Variants in PCDHA4 observed in about 807,000 individuals in gnomAD.
PCDHA4 encodes the protein protocadherin alpha 4.
A neutral mutation model predicts 61.4 loss-of-function variants in PCDHA4; 49 were observed. The observed-to-expected ratio is 0.80, with a 90% CI of 0.63 to 1.01. The LOEUF (loss-of-function observed/expected upper bound fraction) is 1.01, where lower values mean the gene tolerates loss of function less well. PCDHA4 is among the 50% of genes least tolerant of loss of function. PCDHA4 has a pLI of 0.00. For synonymous variants in PCDHA4, 590 were observed against 550.3 expected, an observed-to-expected ratio of 1.07 and a Z score of -1.01; for missense variants, 1,254 against 1,235.8, an observed-to-expected ratio of 1.01 and a Z score of -0.22.
intron 1 of PCDHA4, among the ~76,000 whole-genome samples, chr5:140,906,473 A>G (rs2072671241): frequency 6.6e-6 from 1 of 152,214 alleles, no homozygotes. Flanking sequence ...TCTTAGTACA[A>G]ATGTATAAAT....
chr5:140,953,045 C>A (rs1414124229), intron 1 of PCDHA4, among the ~76,000 whole-genome samples: 2 of 152,288 alleles, frequency 1.3e-5, no homozygotes, highest in Admixed American at 6.5e-5. Flanking sequence ...CCCCATGATC[C>A]AATCACCTCT....
chr5:140,963,233 G>C (rs151988), intron 1 of PCDHA4, among the ~76,000 whole-genome samples: 50,230 of 151,972 alleles, frequency 0.33, 8,535 homozygotes, highest in East Asian at 0.53. Context: ...GACACTGTTT[G>C]ATGGATTAGG....
At chr5:140,992,208 A>G (rs2097499240) in intron 3 of PCDHA4, among the ~76,000 whole-genome samples, 1 of 152,150 alleles carries the variant, frequency 6.6e-6, no homozygotes, top group African/African-American at 2.4e-5. Context: ...AATCAGATAA[A>G]CTACTCTCCC....
Position 140,883,553 on chromosome 5 carries a change from G to A in PCDHA4, c.2385+73981G>A, listed in dbSNP as rs782158028. The A allele has an allele frequency of 4.3e-6, 7 of 1,614,122 alleles. No individual in the cohort carries two copies. In the South Asian group the frequency reaches 7.7e-5, roughly 18 times the overall value. On this transcript the variant is annotated intron_variant, in intron 1 of 3. Transcript: ENST00000530339. The stretch of plus-strand genomic sequence containing the variant: ...CTATGAACTGGTGGTGACCGCGCGG[G>A]ACGGGGGCTCGCCTTCGCTGTGGGC...
chr5:140,823,361 T>C lies in PCDHA4; in HGVS notation c.2385+13789T>C, dbSNP rs2150125012. The C allele has an allele frequency of 2.5e-6, 4 of 1,612,648 alleles. No homozygotes were observed. The South Asian group carries it at 3.3e-5, about 13-fold the overall frequency. On this transcript the variant is annotated intron_variant, in intron 1 of 3. Coordinates refer to ENST00000530339, the MANE Select transcript of PCDHA4 (RefSeq NM_018907.4). ...CCGCTGGACCACGAGGAAGTGGAGC[T>C]GCTGCAGTTCCAGGTGAGCGCGCGC...
At chr5:140,829,599 C>G in intron 1 of PCDHA4, 8 of 1,612,030 alleles carry the variant, frequency 5.0e-6, no homozygotes, top group Non-Finnish European at 6.8e-6. Flanking sequence ...GGCGAGCGCG[C>G]GTTGTCGAGC....
chr5:140,877,569 C>T (rs782129855), intron 1 of PCDHA4: 1 of 1,613,806 alleles, frequency 6.2e-7, no homozygotes, highest in Admixed American at 1.7e-5. Flanking sequence ...TTAACGTGTA[C>T]CTCATCATCG....
chr5:140,883,946 G>T (rs139225969), intron 1 of PCDHA4: 2 of 1,613,274 alleles, frequency 1.2e-6, no homozygotes, highest in Non-Finnish European at 1.7e-6. Flanking sequence ...GGACGAGAAC[G>T]ACAACGCTCC....
intron 3 of PCDHA4, among the ~76,000 whole-genome samples, chr5:141,008,415 C>T (rs782593921): frequency 2.0e-5 from 3 of 152,138 alleles, no homozygotes; most frequent in Non-Finnish European, 4.4e-5. Flanking sequence ...ATGTCATGGC[C>T]ACTGGGATCA....
At chr5:140,830,038 G>A (rs2150180087) in intron 1 of PCDHA4, 1 of 1,613,882 alleles carries the variant, frequency 6.2e-7, no homozygotes, top group Admixed American at 1.7e-5. Flanking sequence ...GGCTGCTGGT[G>A]CTGGTGAAAG....
rs1342551274 is a variant in PCDHA4, at chr5:140,871,604, T to C, written c.2385+62032T>C. 4 of 1,443,096 alleles carry C rather than the reference T, an allele frequency of 2.8e-6. No homozygotes were observed. In the African/African-American group the frequency reaches 4.3e-5, roughly 16 times the overall value. The allele number at this position is 1,443,096 out of a possible 1,614,324, so 89.4% of individuals were successfully genotyped here. A position where few individuals can be genotyped will look rare whatever the true frequency, so the allele number is the denominator to read the frequency against. On this transcript the variant is annotated intron_variant, in intron 1 of 3. Coordinates refer to ENST00000530339, the MANE Select transcript of PCDHA4 (RefSeq NM_018907.4). The stretch of plus-strand genomic sequence containing the variant: ...AAAGTTTTATGAATAACCAGTGTTT[T>C]GAATATTGTTTTAGATAACAATGTC...
intron 1 of PCDHA4, among the ~76,000 whole-genome samples, chr5:140,977,637 T>C (rs1440093548): frequency 6.6e-6 from 1 of 152,228 alleles, no homozygotes; most frequent in Non-Finnish European, 1.5e-5. Flanking sequence ...TAACTTTTTC[T>C]GGGCCTTGAC....
At chr5:140,850,475 G>T (rs2150485791) in intron 1 of PCDHA4, 2 of 1,597,894 alleles carry the variant, frequency 1.3e-6, no homozygotes, top group African/African-American at 2.7e-5. Flanking sequence ...CAGCGCTGAC[G>T]GCCACGGCCA....
intron 1 of PCDHA4, among the ~76,000 whole-genome samples, chr5:140,918,298 A>G (rs2078622610): frequency 6.6e-6 from 1 of 152,150 alleles, no homozygotes; most frequent in Non-Finnish European, 1.5e-5. Context: ...GGCAGAGAAT[A>G]TAGGGTTTTC....
intron 1 of PCDHA4, chr5:140,877,849 TA>T: frequency 6.5e-7 from 1 of 1,545,946 alleles, no homozygotes; most frequent in Non-Finnish European, 8.7e-7. Context: ...AGTAAGTTAT[TA>T]ATATTATTTA....
intron 1 of PCDHA4, among the ~76,000 whole-genome samples, chr5:140,961,980 T>C (rs909552255): frequency 6.6e-6 from 1 of 151,768 alleles, no homozygotes; most frequent in Non-Finnish European, 1.5e-5. Context: ...GCCTCCTGGG[T>C]TCACGCCATT....
intron 1 of PCDHA4, among the ~76,000 whole-genome samples, chr5:140,893,346 C>A (rs1368723678): frequency 6.6e-6 from 1 of 152,104 alleles, no homozygotes; most frequent in Non-Finnish European, 1.5e-5. Context: ...AGTGGCAGTG[C>A]TAATTTACAT....
At chr5:140,979,063 A>G (rs1245308340) in intron 2 of PCDHA4, 56 bp downstream of exon 2, 3 of 1,604,438 alleles carry the variant, frequency 1.9e-6, no homozygotes, top group East Asian at 4.5e-5. Context: ...TATGGCTCAG[A>G]TAAACTGCAT....
chr5:140,984,042 T>C (rs2097082521), intron 3 of PCDHA4, among the ~76,000 whole-genome samples: 1 of 152,148 alleles, frequency 6.6e-6, no homozygotes, highest in Non-Finnish European at 1.5e-5. Flanking sequence ...ATAAAATAGT[T>C]CATTGACAAA....
Sources: gnomAD v4.1 joint callset for allele counts (sites outside exome capture counted in the v4.1 genomes callset) on GRCh38, gnomAD v4.1.1 for gene constraint, MANE v1.5 for transcripts, NCBI Gene and HGNC (gene_info 2026-07-23, HGNC 2026-07-21) for gene names.